STXBP5L: variants seen among roughly 807,000 people sequenced by gnomAD.
STXBP5L encodes syntaxin binding protein 5L, also known as syntaxin-binding protein 5-like.
STXBP5L carries 65 observed loss-of-function variants against 144.5 expected under a neutral mutation model. That is an observed-to-expected ratio of 0.45 (90% confidence interval 0.37 to 0.55). The LOEUF (loss-of-function observed/expected upper bound fraction) is 0.55, where lower values mean the gene tolerates loss of function less well. Among genes scored for constraint, STXBP5L ranks in the 20% least tolerant of loss-of-function variants. The pLI is 0.00. For synonymous variants in STXBP5L, 505 were observed against 469.6 expected (o/e 1.08, Z -0.97); for missense variants, 1,298 against 1,405.5 (o/e 0.92, Z 1.22).
intron 3 of STXBP5L, among the ~76,000 whole-genome samples, chr3:120,992,822 A>T (rs1286679329): frequency 6.6e-6 from 1 of 152,104 alleles, no homozygotes; most frequent in Admixed American, 6.6e-5. Context: ...AATACTCAGT[A>T]GTAGAATGCT....
At chr3:121,045,113 A>G (rs190500896) in intron 4 of STXBP5L, among the ~76,000 whole-genome samples, 86 of 152,232 alleles carry the variant, frequency 5.6e-4, no homozygotes, top group Non-Finnish European at 1.0e-3. Flanking sequence ...AGAAACAAAA[A>G]CCATCCCTAA....
At chr3:121,170,912 C>T (rs1459148329) in intron 9 of STXBP5L, among the ~76,000 whole-genome samples, 1 of 152,186 alleles carries the variant, frequency 6.6e-6, no homozygotes, top group Non-Finnish European at 1.5e-5. Context: ...AGGCCAATAT[C>T]CCTGATGAAC....
chr3:121,206,533 G>T (rs1434348119), intron 10 of STXBP5L, among the ~76,000 whole-genome samples: 2 of 152,034 alleles, frequency 1.3e-5, no homozygotes, highest in Non-Finnish European at 2.9e-5. Context: ...TATCCGGCTG[G>T]GTGCCCTGCC....
chr3:121,126,652 T>A (rs1331131281), intron 7 of STXBP5L, among the ~76,000 whole-genome samples: 2 of 152,182 alleles, frequency 1.3e-5, no homozygotes, highest in Non-Finnish European at 2.9e-5. Flanking sequence ...AATAACTTCC[T>A]TTGAGGGCAC....
At chr3:121,132,135 C>T (rs771015292) in intron 7 of STXBP5L, among the ~76,000 whole-genome samples, 1 of 152,204 alleles carries the variant, frequency 6.6e-6, no homozygotes, top group African/African-American at 2.4e-5. Context: ...AGCCTAGCTG[C>T]CTAGACAAGA....
At chr3:121,203,061 CT>C (rs1046605062) in intron 9 of STXBP5L, among the ~76,000 whole-genome samples, 24 of 142,514 alleles carry the variant, frequency 1.7e-4, no homozygotes, top group East Asian at 1.0e-3. Context: ...CTCCTTCATT[CT>C]TTTTTTCTGT....
chr3:121,263,403 A>G (rs2050448837), intron 18 of STXBP5L, among the ~76,000 whole-genome samples: 1 of 152,158 alleles, frequency 6.6e-6, no homozygotes, highest in Non-Finnish European at 1.5e-5. Flanking sequence ...AAAACAAGAA[A>G]GCCTCTTCTC....
At chr3:121,070,086 G>C (rs1190602144) in intron 5 of STXBP5L, among the ~76,000 whole-genome samples, 2 of 152,170 alleles carry the variant, frequency 1.3e-5, no homozygotes, top group African/African-American at 2.4e-5. Flanking sequence ...TGGAGAGACT[G>C]AAAAAGGTTC....
chr3:121,324,145 T>C (rs1305160816), intron 20 of STXBP5L, among the ~76,000 whole-genome samples: 1 of 152,162 alleles, frequency 6.6e-6, no homozygotes, highest in Non-Finnish European at 1.5e-5. Flanking sequence ...GATAGAAATA[T>C]ATATCTTTAT....
At chr3:121,353,066 G>T (rs141587941) in intron 20 of STXBP5L, among the ~76,000 whole-genome samples, 1 of 152,118 alleles carries the variant, frequency 6.6e-6, no homozygotes, top group African/African-American at 2.4e-5. Context: ...TTTTGATGTG[G>T]TGCTGGATTC....
At chr3:121,127,531 C>G (rs549708968) in intron 7 of STXBP5L, among the ~76,000 whole-genome samples, 1 of 151,758 alleles carries the variant, frequency 6.6e-6, no homozygotes, top group Non-Finnish European at 1.5e-5. Flanking sequence ...TCCATTTTCA[C>G]ATGATCTTCT....
chr3:121,190,449 AC>A (rs1487393289), intron 9 of STXBP5L, among the ~76,000 whole-genome samples: 1 of 151,862 alleles, frequency 6.6e-6, no homozygotes, highest in East Asian at 1.9e-4. Context: ...TCCTATGTCT[AC>A]CCCCTTCAAC....
Position 121,419,212 on chromosome 3 carries a change from C to A in STXBP5L, c.*115C>A. ...TTTCTTCTACAAAATGTTCCATTTA[C>A]AGTCAATCTGAAATTTTCATAAAAG... On this transcript the variant is annotated 3_prime_UTR_variant, in exon 27 of 27. Transcript: ENST00000471454. 1 of 1,027,100 alleles carries A rather than the reference C, an allele frequency of 9.7e-7. No individual in the cohort carries two copies. The highest frequency in any genetic ancestry group is 1.4e-6 in the Non-Finnish European group (1 of 709,348). 63.6% of individuals were successfully genotyped at this position (1,027,100 alleles called of 1,614,324 possible).
chr3:121,133,020 A>G (rs2045067741), intron 7 of STXBP5L, among the ~76,000 whole-genome samples: 1 of 152,162 alleles, frequency 6.6e-6, no homozygotes, highest in Non-Finnish European at 1.5e-5. Flanking sequence ...GCCACTGTGT[A>G]TTATAGAAGA....
chr3:121,008,780 A>G (rs1944546375), intron 3 of STXBP5L, among the ~76,000 whole-genome samples: 1 of 151,990 alleles, frequency 6.6e-6, no homozygotes, highest in South Asian at 2.1e-4. Context: ...AGGCAATTTT[A>G]TATGGAATTT....
chr3:121,209,607 A>G (rs1220631626), intron 10 of STXBP5L, among the ~76,000 whole-genome samples: 4 of 148,096 alleles, frequency 2.7e-5, no homozygotes, highest in Middle Eastern at 3.5e-3. Context: ...GACAGGCCCC[A>G]GTGTGTGATG....
At chr3:121,231,384 C>T (rs1314628270) in intron 11 of STXBP5L, among the ~76,000 whole-genome samples, 1 of 152,212 alleles carries the variant, frequency 6.6e-6, no homozygotes, top group Non-Finnish European at 1.5e-5. Flanking sequence ...ATATTCCCAA[C>T]ACCTTTTCTA....
intron 20 of STXBP5L, among the ~76,000 whole-genome samples, chr3:121,319,008 T>G (rs1386764091): frequency 6.6e-6 from 1 of 151,992 alleles, no homozygotes; most frequent in Admixed American, 6.6e-5. Context: ...AAGCAAAACA[T>G]CAAGACAAAG....
chr3:121,407,670 A>G (rs752891273), intron 23 of STXBP5L, 67 bp downstream of exon 23: 66 of 1,590,958 alleles, frequency 4.1e-5, no homozygotes, highest in Non-Finnish European at 5.1e-5. Flanking sequence ...CCTAAAAAAT[A>G]TATGTGTTAT....
Sources: gnomAD v4.1 joint callset for allele counts (sites outside exome capture counted in the v4.1 genomes callset) on GRCh38, gnomAD v4.1.1 for gene constraint, MANE v1.5 for transcripts, NCBI Gene and HGNC (gene_info 2026-07-23, HGNC 2026-07-21) for gene names.